Variants in NBPF14 observed in about 807,000 individuals in gnomAD.
NBPF14 encodes NBPF member 14, also known as NBPF family member NBPF14.
A neutral mutation model predicts 91.2 loss-of-function variants in NBPF14; 104 were observed. The observed-to-expected ratio is 1.14, with a 90% CI of 0.97 to 1.34. The LOEUF is 1.34. Among genes scored for constraint, NBPF14 ranks in the 40% most tolerant of loss-of-function variants. The pLI, the probability that NBPF14 is intolerant of heterozygous loss-of-function variation, is 0.00. For synonymous variants in NBPF14, 294 were observed against 303.8 expected (o/e 0.97, Z 0.34); for missense variants, 908 against 783.0 (o/e 1.16, Z -1.91).
chr1:148,579,078 T>A lies in NBPF14; in HGVS notation c.1797A>T (p.Ile599=). The A allele has an allele frequency of 5.7e-6, 3 of 526,774 alleles. No individual in the cohort carries two copies. In the South Asian group the frequency reaches 6.0e-5, roughly 11 times the overall value. The allele number at this position is 526,774 out of a possible 1,614,324, so 32.6% of individuals were successfully genotyped here. ...CCTTCACAATGGAGTACTCACTGCCTATGTCAACAGCCATGCAGACTTGCT... is the reference window on the plus strand; with the variant it reads ...CCTTCACAATGGAGTACTCACTGCCAATGTCAACAGCCATGCAGACTTGCT... The change falls in exon 13 of 71, where the codon ATA becomes ATT. Residue 599 remains isoleucine, a synonymous_variant. Coordinates refer to ENST00000619423, the Ensembl canonical transcript of NBPF14.
intron 69 of NBPF14, 51 bp downstream of exon 69, chr1:148,534,633 C>T (rs1437508593): frequency 4.4e-5 from 39 of 891,388 alleles, no homozygotes; most frequent in Non-Finnish European, 5.7e-5. Context: ...AATATCACCC[C>T]TATCTGGAAG....
rs1246829649 is a variant in NBPF14, at chr1:148,587,178, C to T, written c.1091+123G>A. On this transcript the variant is annotated intron_variant, in intron 8 of 70. Transcript: ENST00000619423. Reference sequence around the variant, plus strand: ...CTGATAAATATTTGTGTGTAGCGAGCCTGCCATGGCAATTCCTGCCCTTCC... The same window carrying T: ...CTGATAAATATTTGTGTGTAGCGAGTCTGCCATGGCAATTCCTGCCCTTCC... 2,916 of 791,448 alleles carry T rather than the reference C, an allele frequency of 3.7e-3. 184 individuals are homozygous for T. Among genetic ancestry groups the T allele is most frequent in the Admixed American group, 0.02 (1,014 of 51,358 alleles). The allele number at this position is 791,448 out of a possible 1,614,324, so 49.0% of individuals were successfully genotyped here.
At chr1:148,594,823 G>A (rs1663048412) in intron 2 of NBPF14, among the ~76,000 whole-genome samples, 1 of 85,070 alleles carries the variant, frequency 1.2e-5, no homozygotes, top group Non-Finnish European at 2.0e-5. Context: ...TCAGCCTCCC[G>A]ATTAGTGGTG....
At chr1:148,541,669 C>T in intron 60 of NBPF14, 62 bp downstream of exon 60, 1 of 14,588 alleles carries the variant, frequency 6.9e-5, no homozygotes, top group Non-Finnish European at 1.0e-4. Flanking sequence ...CTCTGGTTTC[C>T]CTGAATCTGT....
At chr1:148,542,158 A>C (rs1273404203) in intron 59 of NBPF14, among the ~76,000 whole-genome samples, 1 of 104,812 alleles carries the variant, frequency 9.5e-6, no homozygotes, top group Non-Finnish European at 1.7e-5. Context: ...TAGGAGAAAA[A>C]CTGCAATATT....
intron 6 of NBPF14, among the ~76,000 whole-genome samples, chr1:148,589,720 T>A (rs1662126446): frequency 7.3e-6 from 1 of 136,292 alleles, no homozygotes; most frequent in Non-Finnish European, 1.6e-5. Context: ...TTTTTTAATT[T>A]TTTTCTTTTT....
rs1189389769 is a variant in NBPF14, at chr1:148,587,432, G to A, written c.989-29C>T. 23 of 1,556,034 alleles carry A rather than the reference G, an allele frequency of 1.5e-5. 1 individual carries two copies. The highest frequency in any genetic ancestry group is 2.9e-5 in the African/African-American group (2 of 69,694). On this transcript the variant is annotated intron_variant, in intron 7 of 70. Coordinates refer to ENST00000619423, the Ensembl canonical transcript of NBPF14. ...AGAAAAGACAGACACACCTACCTCA[G>A]TGGAAGGCTGGACATGCTGCTGTGG...
In NBPF14 at chr1:148,587,308, C is replaced by A. The variant is rs1661714861; in HGVS notation, c.1084G>T (p.Glu362Ter). The change falls in exon 8 of 71, where the codon GAG becomes TAG. Residue 362 changes from glutamate (E) to a stop codon, truncating the protein, a stop_gained. Transcript: ENST00000619423. LOFTEE classifies it high-confidence loss of function. ...CCCATGGGGTCCCCTCACCTGAGCT[C>A]CTCAGCTTGCTTCAGCTGCTCCGCA... is the stretch of plus-strand genomic sequence containing the variant. 2 of 1,580,944 alleles carry A rather than the reference C, an allele frequency of 1.3e-6. No individual in the cohort carries two copies. Among genetic ancestry groups the A allele is most frequent in the Admixed American group, 1.7e-5 (1 of 59,402 alleles).
intron 6 of NBPF14, among the ~76,000 whole-genome samples, chr1:148,589,835 C>T (rs1440678966): frequency 6.7e-6 from 1 of 148,260 alleles, no homozygotes; most frequent in Non-Finnish European, 1.5e-5. Context: ...CGGGTTCAAG[C>T]GATTCTCATC....
intron 16 of NBPF14, 94 bp from the exon 17 acceptor site, chr1:148,575,905 A>C (rs1289495123): frequency 3.0e-6 from 1 of 333,968 alleles, no homozygotes; most frequent in Non-Finnish European, 5.3e-6. Context: ...GGAACTGTTT[A>C]AAAAGAAAAA....
intron 12 of NBPF14, among the ~76,000 whole-genome samples, chr1:148,580,761 C>A (rs1370012957): frequency 1.8e-5 from 1 of 55,918 alleles, no homozygotes; most frequent in Non-Finnish European, 3.1e-5. Flanking sequence ...TGGCACAAAC[C>A]CTACAAGCCA....
chr1:148,590,347 G>A (rs1387649724), intron 6 of NBPF14, among the ~76,000 whole-genome samples: 1 of 144,414 alleles, frequency 6.9e-6, no homozygotes, highest in Non-Finnish European at 1.5e-5. Flanking sequence ...GTGACCCACT[G>A]CTCCCAGCCG....
intron 68 of NBPF14, among the ~76,000 whole-genome samples, 185 bp downstream of exon 68, chr1:148,535,268 T>A (rs1327541106): frequency 6.7e-6 from 1 of 150,240 alleles, no homozygotes; most frequent in African/African-American, 2.5e-5. Context: ...AGTAAGTGAG[T>A]AAATGATAAG....
chr1:148,587,456 G>C, intron 7 of NBPF14, 53 bp from the exon 8 acceptor site: 5 of 1,511,298 alleles, frequency 3.3e-6, no homozygotes, highest in Non-Finnish European at 4.5e-6. Flanking sequence ...ATGCTGCTGT[G>C]GTCATTGCCT....
At chr1:148,539,255 C>A (rs1316826747) in intron 63 of NBPF14, among the ~76,000 whole-genome samples, 155 bp downstream of exon 63, 1 of 115,262 alleles carries the variant, frequency 8.7e-6, no homozygotes, top group East Asian at 2.7e-4. Flanking sequence ...AGGCTTCCAA[C>A]TGAGACTACA....
exon 70 of NBPF14, chr1:148,533,918 T>A: frequency 2.7e-6 from 2 of 749,510 alleles, no homozygotes; most frequent in East Asian, 4.9e-5. Flanking sequence ...TCTTCTTTCC[T>A]TCTTTGATCT....
chr1:148,586,183 G>C (rs1661512967), intron 9 of NBPF14, 72 bp downstream of exon 9: 18 of 585,530 alleles, frequency 3.1e-5, no homozygotes, highest in African/African-American at 3.0e-4. Context: ...AACTGTCATT[G>C]TGAAAGTATG....
exon 37 of NBPF14, chr1:148,559,861 C>T (rs1480625143): frequency 2.7e-6 from 4 of 1,499,160 alleles, no homozygotes; most frequent in Non-Finnish European, 3.6e-6. Flanking sequence ...ATAGGGCTGG[C>T]ATGAGTCAGT....
At chr1:148,575,544 G>A in intron 17 of NBPF14, 95 bp downstream of exon 17, 5 of 97,150 alleles carry the variant, frequency 5.1e-5, no homozygotes, top group African/African-American at 4.0e-4. Flanking sequence ...CGGCAATGAC[G>A]TCTCTCGGGT....
Sources: allele counts gnomAD v4.1 joint callset (sites outside exome capture counted in the v4.1 genomes callset), GRCh38; gene constraint gnomAD v4.1.1; transcripts MANE v1.5; gene names NCBI Gene and HGNC (gene_info 2026-07-23, HGNC 2026-07-21).